Variants in CSRNP3 observed in about 807,000 individuals in gnomAD.
The protein encoded by CSRNP3 is cysteine and serine rich nuclear protein 3.
A neutral mutation model predicts 48.0 loss-of-function variants in CSRNP3; 12 were observed. The ratio of observed to expected loss-of-function variants is 0.25; its 90% CI spans 0.16 to 0.41. The LOEUF (loss-of-function observed/expected upper bound fraction) is 0.41. Ranked by LOEUF, CSRNP3 falls within the 10% of genes least tolerant of loss-of-function variation. The pLI, the probability that CSRNP3 is intolerant of heterozygous loss-of-function variation, is 1.00. For synonymous variants in CSRNP3, 263 were observed against 269.7 expected, an observed-to-expected ratio of 0.98 and a Z score of 0.24; for missense variants, 580 against 724.4, an observed-to-expected ratio of 0.80 and a Z score of 2.29.
At position 165,683,129 on chromosome 2, in the gene CSRNP3, G is replaced by A. The variant is rs1687574297; in HGVS notation, c.*3376G>A. The A allele has an allele frequency of 3.3e-5, 5 of 152,170 alleles. No individual in the cohort carries two copies. The South Asian group carries it at 8.3e-4, about 25-fold the overall frequency. The allele number at this position is 152,170 out of a possible 1,614,324, so 9.4% of individuals were successfully genotyped here. ...AAGTCAATGAAAGAGATTTACTTAA[G>A]TTTTTCCTCCTTATCTCTTGATCAT... On this transcript the variant is annotated 3_prime_UTR_variant, in exon 7 of 7. Coordinates refer to ENST00000651982, the MANE Select transcript of CSRNP3 (RefSeq NM_001172173.2).
chr2:165,637,340 G>C (rs1041695464), intron 4 of CSRNP3, among the ~76,000 whole-genome samples: 3 of 152,184 alleles, frequency 2.0e-5, no homozygotes, highest in African/African-American at 7.2e-5. Context: ...AGATTTGGTG[G>C]AAACACTACT....
chr2:165,486,070 G>A (rs576760456), intron 1 of CSRNP3, among the ~76,000 whole-genome samples: 1 of 152,268 alleles, frequency 6.6e-6, no homozygotes, highest in African/African-American at 2.4e-5. Context: ...GACAGTGGGC[G>A]CAGGCCAGTG....
In CSRNP3 at chr2:165,683,791, T is replaced by C. The variant is rs1687584431; in HGVS notation, c.*4038T>C. 1.3e-5 allele frequency: 2 copies of C among 152,072 alleles called. No homozygotes were observed. The highest frequency in any genetic ancestry group is 1.3e-4 in the Admixed American group (2 of 15,228). The allele number at this position is 152,072 out of a possible 1,614,324, so 9.4% of individuals were successfully genotyped here. On this transcript the variant is annotated 3_prime_UTR_variant, in exon 7 of 7. Transcript: ENST00000651982. ...TTTCTCAAATCCTCTTAATATGTGA[T>C]TTTATCAAGTGACATTAGAAAAACT...
At chr2:165,636,238 A>G (rs1399651017) in intron 4 of CSRNP3, among the ~76,000 whole-genome samples, 1 of 152,208 alleles carries the variant, frequency 6.6e-6, no homozygotes, top group Non-Finnish European at 1.5e-5. Context: ...CACAGAAGCT[A>G]CTTAGAAATT....
chr2:165,587,591 A>T (rs1285904277), intron 3 of CSRNP3, among the ~76,000 whole-genome samples: 1 of 152,226 alleles, frequency 6.6e-6, no homozygotes, highest in Non-Finnish European at 1.5e-5. Flanking sequence ...TGGTAATTGC[A>T]GAGCTCCAGA....
chr2:165,495,488 G>T (rs1684272754), intron 2 of CSRNP3, among the ~76,000 whole-genome samples: 1 of 152,024 alleles, frequency 6.6e-6, no homozygotes, highest in Non-Finnish European at 1.5e-5. Context: ...AGCAGTTCAT[G>T]TGAATAATAC....
intron 1 of CSRNP3, among the ~76,000 whole-genome samples, chr2:165,475,900 T>G (rs1683955639): frequency 6.6e-6 from 1 of 152,172 alleles, no homozygotes; most frequent in Non-Finnish European, 1.5e-5. Context: ...CATTTCATGC[T>G]TCCCTGCTCT....
intron 2 of CSRNP3, among the ~76,000 whole-genome samples, chr2:165,496,362 A>G (rs1425408531): frequency 6.6e-6 from 1 of 152,038 alleles, no homozygotes; most frequent in East Asian, 1.9e-4. Flanking sequence ...CCTCCCTCCA[A>G]GTGACTGTAA....
At chr2:165,480,185 C>T (rs556688481) in intron 1 of CSRNP3, among the ~76,000 whole-genome samples, 2 of 152,302 alleles carry the variant, frequency 1.3e-5, no homozygotes, top group East Asian at 1.9e-4. Flanking sequence ...TCTCTCTCAT[C>T]GAATCCCTCT....
At chr2:165,563,464 G>T (rs1685260259) in intron 3 of CSRNP3, among the ~76,000 whole-genome samples, 1 of 152,128 alleles carries the variant, frequency 6.6e-6, no homozygotes, top group East Asian at 1.9e-4. Context: ...ATCCCACCAT[G>T]TGGCTGCACT....
Position 165,638,677 on chromosome 2 carries a change from A to T in CSRNP3, c.149-19084A>T, listed in dbSNP as rs12473328. ...TATAATTTTGCATTATTTGCTAGAC[A>T]GCAAAAATATATTTTGTTATTTTGA... On this transcript the variant is annotated intron_variant, in intron 4 of 6. Transcript: ENST00000651982. Among the ~76,000 whole-genome samples the T allele has an allele frequency of 6.7e-3, 1,023 of 152,348 alleles. 29 individuals carry two copies. The highest frequency in any genetic ancestry group is 0.055 in the Admixed American group (840 of 15,302).
intron 4 of CSRNP3, among the ~76,000 whole-genome samples, chr2:165,653,029 C>T (rs1007553852): frequency 2.0e-5 from 3 of 152,142 alleles, no homozygotes; most frequent in African/African-American, 4.8e-5. Context: ...AGATTCCCTA[C>T]GGCAGATGTG....
At chr2:165,539,804 G>T (rs534916982) in intron 3 of CSRNP3, among the ~76,000 whole-genome samples, 47 of 152,090 alleles carry the variant, frequency 3.1e-4, no homozygotes, top group African/African-American at 9.9e-4. Context: ...TAAATTTTCA[G>T]AATTAATTTA....
At chr2:165,589,273 A>G (rs1322971783) in intron 3 of CSRNP3, among the ~76,000 whole-genome samples, 1 of 152,222 alleles carries the variant, frequency 6.6e-6, no homozygotes, top group Non-Finnish European at 1.5e-5. Context: ...TAGGTGATAT[A>G]GAAGAAAACC....
intron 3 of CSRNP3, among the ~76,000 whole-genome samples, chr2:165,591,829 G>T (rs1685722380): frequency 6.6e-6 from 1 of 152,178 alleles, no homozygotes; most frequent in Non-Finnish European, 1.5e-5. Context: ...TCTGTTGCTG[G>T]GGCAAAGCTC....
At chr2:165,627,393 C>G (rs181587053) in intron 4 of CSRNP3, among the ~76,000 whole-genome samples, 2 of 152,254 alleles carry the variant, frequency 1.3e-5, no homozygotes, top group Non-Finnish European at 2.9e-5. Context: ...AGCTCTTTTG[C>G]ACTGACTGCT....
Position 165,565,408 on chromosome 2 carries a change from A to G in CSRNP3, c.-23-29635A>G, listed in dbSNP as rs1200262874. On this transcript the variant is annotated intron_variant, in intron 3 of 6. Coordinates refer to ENST00000651982, the MANE Select transcript of CSRNP3 (RefSeq NM_001172173.2). ...GGTGTGAAAAGAATATCTGTCCTTTAGCAAGACCATGAGAATTAAGTGCCA... is the reference window on the plus strand; with the variant it reads ...GGTGTGAAAAGAATATCTGTCCTTTGGCAAGACCATGAGAATTAAGTGCCA... 3.3e-5 allele frequency among the ~76,000 whole-genome samples: 5 copies of G among 152,240 alleles called. No homozygotes were observed. The East Asian group carries it at 7.7e-4, about 23-fold the overall frequency.
At chr2:165,678,538 CT>C (rs1302461590) in intron 6 of CSRNP3, among the ~76,000 whole-genome samples, 162 bp from the exon 7 acceptor site, 3 of 152,200 alleles carry the variant, frequency 2.0e-5, no homozygotes, top group Non-Finnish European at 4.4e-5. Context: ...TAAGCCCTCA[CT>C]TTCCCCTTTT....
At chr2:165,622,229 T>C (rs2105319031) in intron 4 of CSRNP3, among the ~76,000 whole-genome samples, 1 of 152,342 alleles carries the variant, frequency 6.6e-6, no homozygotes, top group Middle Eastern at 3.4e-3. Flanking sequence ...AAATGTATTG[T>C]TCATCATGCT....
Sources: allele counts gnomAD v4.1 joint callset (sites outside exome capture counted in the v4.1 genomes callset), GRCh38; gene constraint gnomAD v4.1.1; transcripts MANE v1.5; gene names NCBI Gene and HGNC (gene_info 2026-07-23, HGNC 2026-07-21).